The following ATF3 variants were observed in gnomAD, a reference collection of about 807,000 sequenced individuals.
ATF3 encodes the protein cyclic AMP-dependent transcription factor ATF-3.
ATF3 carries 10 observed loss-of-function variants against 18.4 expected under a neutral mutation model. The ratio of observed to expected loss-of-function variants is 0.54; its 90% CI spans 0.34 to 0.92. The LOEUF is 0.92. ATF3 is among the 40% of genes least tolerant of loss of function. ATF3 has a pLI of 0.02. For synonymous variants in ATF3, 78 were observed against 87.9 expected (o/e 0.89, Z 0.63); for missense variants, 183 against 222.3 (o/e 0.82, Z 1.12).
chr1:212,607,539 G>A (rs1654672101), upstream of ATF3, among the ~76,000 whole-genome samples: 1 of 152,220 alleles, frequency 6.6e-6, no homozygotes, highest in South Asian at 2.1e-4. Flanking sequence ...CTCGGACCAC[G>A]GGGCCCCGCC....
In ATF3 at chr1:212,616,597, C is replaced by A. The variant is rs766954812; in HGVS notation, c.240+1336C>A. 5.9e-5 allele frequency among the ~76,000 whole-genome samples: 9 copies of A among 152,118 alleles called. No individual in the cohort carries two copies. The East Asian group carries it at 1.2e-3, about 20-fold the overall frequency. ...ACAGGTGTGAGCCACCACGCCCAGC[C>A]TTGATTTATATTTTTAAATGATCAC... is the stretch of plus-strand genomic sequence containing the variant. On this transcript the variant is annotated intron_variant, in intron 2 of 3. Transcript: ENST00000341491.
At chr1:212,568,436 G>A (rs1664421583) in intron 1 of ATF3, among the ~76,000 whole-genome samples, 1 of 152,142 alleles carries the variant, frequency 6.6e-6, no homozygotes, top group Non-Finnish European at 1.5e-5. Flanking sequence ...GAGCCCCAGA[G>A]AAAGAGCACA....
chr1:212,614,815 A>C (rs1465379193), intron 1 of ATF3, among the ~76,000 whole-genome samples: 2 of 152,172 alleles, frequency 1.3e-5, no homozygotes, highest in African/African-American at 4.8e-5. Context: ...CATTTTGTTC[A>C]TGTCACTGAG....
rs942505734 is a variant in ATF3, at chr1:212,620,695, C to A, written c.*1140C>A. On this transcript the variant is annotated 3_prime_UTR_variant, in exon 4 of 4. Transcript: ENST00000341491. ...TACTCAATGGTATCATTACAATTTTCTGTAAGAGAAAATATTACTTATTTA... is the reference window on the plus strand; with the variant it reads ...TACTCAATGGTATCATTACAATTTTATGTAAGAGAAAATATTACTTATTTA... 6 of 152,578 alleles carry A rather than the reference C, an allele frequency of 3.9e-5. No homozygotes were observed. Among genetic ancestry groups the A allele is most frequent in the South Asian group, 2.1e-4 (1 of 4,826 alleles). The allele number at this position is 152,578 out of a possible 1,614,324, so 9.5% of individuals were successfully genotyped here. A position where few individuals can be genotyped will look rare whatever the true frequency, so the allele number is the denominator to read the frequency against.
At chr1:212,612,685 T>C (rs1438263517) in intron 1 of ATF3, among the ~76,000 whole-genome samples, 1 of 152,230 alleles carries the variant, frequency 6.6e-6, no homozygotes, top group Non-Finnish European at 1.5e-5. Flanking sequence ...AAGAATTACA[T>C]ACATAGCCTG....
At chr1:212,588,121 C>T (rs1307106740) in intron 1 of ATF3, among the ~76,000 whole-genome samples, 1 of 152,100 alleles carries the variant, frequency 6.6e-6, no homozygotes, top group African/African-American at 2.4e-5. Flanking sequence ...ACCCCTGCAG[C>T]CAGGTGTCTA....
intron 2 of ATF3, among the ~76,000 whole-genome samples, 159 bp from the exon 3 acceptor site, chr1:212,617,968 G>T (rs79414368): frequency 0.029 from 4,316 of 151,360 alleles, 109 homozygotes; most frequent in Non-Finnish European, 0.041. Context: ...TGTGTGTGTA[G>T]GGGTTTTCAC....
intron 1 of ATF3, among the ~76,000 whole-genome samples, chr1:212,587,495 T>G (rs1413221748): frequency 2.0e-5 from 3 of 152,160 alleles, no homozygotes; most frequent in African/African-American, 7.2e-5. Flanking sequence ...AGTCTGTACC[T>G]CTTGTGACCA....
intron 1 of ATF3, among the ~76,000 whole-genome samples, chr1:212,579,784 G>C (rs1049069143): frequency 6.6e-6 from 1 of 152,134 alleles, no homozygotes; most frequent in Non-Finnish European, 1.5e-5. Flanking sequence ...CCTGGGCTCT[G>C]AGAAAAACAG....
At chr1:212,572,664 T>C (rs538632505) in intron 1 of ATF3, among the ~76,000 whole-genome samples, 1 of 152,354 alleles carries the variant, frequency 6.6e-6, no homozygotes, top group Admixed American at 6.5e-5. Flanking sequence ...CAAATTAATT[T>C]GCAAAGCACT....
chr1:212,615,303 C>T (rs761031538), intron 2 of ATF3, 42 bp downstream of exon 2: 11 of 1,590,940 alleles, frequency 6.9e-6, no homozygotes, highest in African/African-American at 4.4e-5. Flanking sequence ...GCACATGTTT[C>T]GCTCGCAGCC....
chr1:212,570,426 T>C (rs1175903815), intron 1 of ATF3, among the ~76,000 whole-genome samples: 2 of 152,214 alleles, frequency 1.3e-5, no homozygotes, highest in African/African-American at 4.8e-5. Flanking sequence ...GACAGATGCA[T>C]ATGCCTAGCA....
In ATF3 at chr1:212,619,695, GC is replaced by G. The variant is rs2102668381; in HGVS notation, c.*141del. On this transcript the variant is annotated 3_prime_UTR_variant, in exon 4 of 4. Coordinates refer to ENST00000341491, the MANE Select transcript of ATF3 (RefSeq NM_001674.4). This position sits in a 1 kb window ranked among gnomAD's most constrained non-coding sequence, Gnocchi z 4.4. ...GAGAACCATCAAGGCGGGAGGGCCT[GC>G]AGTGATTCAGCAGGCCCTTCCCATT... The G allele has an allele frequency of 1.6e-6, 2 of 1,215,262 alleles. No individual in the cohort carries two copies. The highest frequency in any genetic ancestry group is 2.7e-5 in the South Asian group (2 of 73,934). The allele number at this position is 1,215,262 out of a possible 1,614,324, so 75.3% of individuals were successfully genotyped here. A position where few individuals can be genotyped will look rare whatever the true frequency, so the allele number is the denominator to read the frequency against.
intron 1 of ATF3, among the ~76,000 whole-genome samples, chr1:212,587,968 T>G (rs979954579): frequency 2.6e-5 from 4 of 151,946 alleles, no homozygotes; most frequent in African/African-American, 9.7e-5. Context: ...GGGGGCGGGT[T>G]TCATTCCCTC....
intron 1 of ATF3, among the ~76,000 whole-genome samples, chr1:212,584,298 A>G (rs1187263439): frequency 6.6e-6 from 1 of 152,156 alleles, no homozygotes; most frequent in Non-Finnish European, 1.5e-5. Context: ...CAGGGAAACA[A>G]AACCAATAAG....
intron 1 of ATF3, among the ~76,000 whole-genome samples, chr1:212,566,972 T>C (rs1432149301): frequency 6.6e-6 from 1 of 152,148 alleles, no homozygotes; most frequent in Non-Finnish European, 1.5e-5. Context: ...CTAGAGAAAG[T>C]CTCCAAATTC....
intron 1 of ATF3, among the ~76,000 whole-genome samples, chr1:212,611,618 A>C (rs555588956): frequency 6.6e-6 from 1 of 152,350 alleles, no homozygotes; most frequent in South Asian, 2.1e-4. Context: ...CAAGATATGA[A>C]GAGTTAGTGA....
upstream of ATF3, among the ~76,000 whole-genome samples, chr1:212,603,855 G>T (rs1558235056): frequency 6.6e-6 from 1 of 151,626 alleles, no homozygotes; most frequent in Admixed American, 6.6e-5. Context: ...ATATTTTTAA[G>T]AAGAAAGACC....
chr1:212,609,237 C>G (rs1014120752), intron 1 of ATF3, among the ~76,000 whole-genome samples: 1 of 152,250 alleles, frequency 6.6e-6, no homozygotes, highest in African/African-American at 2.4e-5. Context: ...TCTCCGCCGA[C>G]GGCGCTGGCT....
Sources: gnomAD v4.1 joint callset for allele counts (sites outside exome capture counted in the v4.1 genomes callset) on GRCh38, gnomAD v4.1.1 for gene constraint, Gnocchi (gnomAD v3.1) non-coding constraint, MANE v1.5 for transcripts, NCBI Gene and HGNC (gene_info 2026-07-23, HGNC 2026-07-21) for gene names.